The following RETREG1 variants were observed in gnomAD, a reference collection of about 807,000 sequenced individuals.
RETREG1 encodes the protein family with sequence similarity 134 member B.
In RETREG1, 44 loss-of-function variants were observed where a neutral mutation model predicts 54.8. That is an observed-to-expected ratio of 0.80 (90% CI 0.63 to 1.03). The LOEUF (loss-of-function observed/expected upper bound fraction) is 1.03. Among genes scored for constraint, RETREG1 ranks in the 50% least tolerant of loss-of-function variants. RETREG1 has a pLI of 0.00. For missense variants in RETREG1, 554 were observed against 605.1 expected (o/e 0.92, Z 0.89); for synonymous variants, 217 against 238.5 (o/e 0.91, Z 0.83).
intron 3 of RETREG1, among the ~76,000 whole-genome samples, chr5:16,517,173 A>T (rs1740386960): frequency 6.6e-6 from 1 of 152,012 alleles, no homozygotes; most frequent in Admixed American, 6.5e-5. Context: ...TGGAATGAGG[A>T]GGAAGATATA....
At chr5:16,553,736 A>C (rs1741610045) in intron 3 of RETREG1, among the ~76,000 whole-genome samples, 2 of 152,116 alleles carry the variant, frequency 1.3e-5, no homozygotes, top group African/African-American at 4.8e-5. Context: ...TGATTGGATA[A>C]TAGGTTCATG....
intron 3 of RETREG1, among the ~76,000 whole-genome samples, chr5:16,528,694 C>G (rs963575678): frequency 1.3e-5 from 2 of 152,206 alleles, no homozygotes; most frequent in Admixed American, 6.5e-5. Context: ...CACGTGAACA[C>G]TATGCCTCCT....
intron 3 of RETREG1, among the ~76,000 whole-genome samples, chr5:16,527,625 ACACATC>A (rs1380778972): frequency 1.3e-5 from 2 of 152,100 alleles, no homozygotes; most frequent in Non-Finnish European, 2.9e-5. Context: ...AAAGTTTATT[ACACATC>A]TCATAATTCT....
chr5:16,479,012 T>C, intron 5 of RETREG1, 25 bp from the exon 6 acceptor site: 1 of 1,609,238 alleles, frequency 6.2e-7, no homozygotes, highest in Non-Finnish European at 8.5e-7. Context: ...AGAGCAGAGG[T>C]AAAATGCCTT....
intron 3 of RETREG1, among the ~76,000 whole-genome samples, chr5:16,498,934 C>T (rs1053544346): frequency 2.2e-4 from 34 of 152,212 alleles, no homozygotes; most frequent in South Asian, 6.2e-4. Flanking sequence ...AACTTTTTTA[C>T]TTAATAAACT....
At chr5:16,488,203 C>T (rs1030206576) in intron 3 of RETREG1, among the ~76,000 whole-genome samples, 17 of 152,204 alleles carry the variant, frequency 1.1e-4, no homozygotes, top group East Asian at 3.8e-4. Flanking sequence ...CTGGGCAAGA[C>T]GGTGTGAGAG....
chr5:16,514,087 T>C (rs1453142649), intron 3 of RETREG1, among the ~76,000 whole-genome samples: 2 of 152,248 alleles, frequency 1.3e-5, no homozygotes, highest in East Asian at 1.9e-4. Context: ...AAATTATTTA[T>C]ATACTGCTAT....
intron 6 of RETREG1, 130 bp from the exon 7 acceptor site, chr5:16,478,228 T>G: frequency 1.5e-6 from 1 of 651,524 alleles, no homozygotes; most frequent in Non-Finnish European, 2.7e-6. Flanking sequence ...CTCATATTCT[T>G]AACTACAAAT....
intron 3 of RETREG1, among the ~76,000 whole-genome samples, chr5:16,537,245 G>C (rs1741099682): frequency 6.6e-6 from 1 of 152,230 alleles, no homozygotes; most frequent in Non-Finnish European, 1.5e-5. Flanking sequence ...GGAGAAATGA[G>C]GCTTTGAGGG....
At chr5:16,599,681 A>G (rs1239327317) in intron 1 of RETREG1, among the ~76,000 whole-genome samples, 2 of 152,228 alleles carry the variant, frequency 1.3e-5, no homozygotes, top group Non-Finnish European at 2.9e-5. Context: ...TGGAAGCAGC[A>G]TTCAGGTAGG....
rs1742598133 is a variant in RETREG1 at position 16,585,286 on chromosome 5, T to C, written c.321-13184A>G. Among the ~76,000 whole-genome samples the C allele has an allele frequency of 6.6e-6, 1 of 152,274 alleles. No individual in the cohort carries two copies. The highest frequency in any genetic ancestry group is 2.1e-4 in the South Asian group (1 of 4,818). On this transcript the variant is annotated intron_variant, in intron 1 of 8. Coordinates refer to ENST00000306320, the MANE Select transcript of RETREG1 (RefSeq NM_001034850.3). The surrounding 1 kb of genome is among the most constrained non-coding windows in gnomAD (Gnocchi z 4.5). ...CAGTGGGGAGGAGCAGCAGGGAGTT[T>C]GTATTCTGTTTGCGTTCTTGTGCCT...
chr5:16,537,006 C>A (rs1396828750), intron 3 of RETREG1, among the ~76,000 whole-genome samples: 1 of 152,114 alleles, frequency 6.6e-6, no homozygotes, highest in African/African-American at 2.4e-5. Flanking sequence ...TGTCAGCTGA[C>A]TTCCCTTCTC....
At position 16,474,285 on chromosome 5, in the gene RETREG1, GA is replaced by G. The variant is rs140982908; in HGVS notation, c.*455del. On this transcript the variant is annotated 3_prime_UTR_variant, in exon 9 of 9. Coordinates refer to ENST00000306320, the MANE Select transcript of RETREG1 (RefSeq NM_001034850.3). The stretch of plus-strand genomic sequence containing the variant: ...TTTTTTACATCAAAATCTATCCGTT[GA>G]AAAAAAAATTTTCCAGGTATTAGGA... 7 of 154,662 alleles carry G rather than the reference GA, an allele frequency of 4.5e-5. No homozygotes were observed. The highest frequency in any genetic ancestry group is 1.9e-4 in the South Asian group (1 of 5,234). 9.6% of individuals were successfully genotyped at this position (154,662 alleles called of 1,614,324 possible). A position where few individuals can be genotyped will look rare whatever the true frequency, so the allele number is the denominator to read the frequency against.
intron 1 of RETREG1, among the ~76,000 whole-genome samples, chr5:16,599,565 A>G (rs1479017226): frequency 1.3e-5 from 2 of 152,112 alleles, no homozygotes; most frequent in African/African-American, 4.8e-5. Context: ...GTGGATGAAA[A>G]AGCAGAGGGT....
At chr5:16,494,910 A>G (rs1739395974) in intron 3 of RETREG1, among the ~76,000 whole-genome samples, 1 of 152,212 alleles carries the variant, frequency 6.6e-6, no homozygotes, top group Non-Finnish European at 1.5e-5. Context: ...AACATCCTAG[A>G]GACTTGAATG....
chr5:16,482,254 G>T (rs1738805143), intron 4 of RETREG1, among the ~76,000 whole-genome samples: 1 of 151,942 alleles, frequency 6.6e-6, no homozygotes, highest in Non-Finnish European at 1.5e-5. Flanking sequence ...ACTATATCCA[G>T]AATTTAGTTT....
intron 3 of RETREG1, among the ~76,000 whole-genome samples, chr5:16,562,895 G>A (rs114890965): frequency 0.017 from 2,605 of 152,168 alleles, 28 homozygotes; most frequent in Non-Finnish European, 0.026. Context: ...TAAGGAAATC[G>A]GAATAAAGCA....
At chr5:16,521,531 G>T (rs1023323350) in intron 3 of RETREG1, among the ~76,000 whole-genome samples, 1 of 152,150 alleles carries the variant, frequency 6.6e-6, no homozygotes, top group African/African-American at 2.4e-5. Flanking sequence ...AAGAGCTCTG[G>T]CTCAAGTCTC....
intron 3 of RETREG1, 85 bp from the exon 4 acceptor site, chr5:16,483,557 A>T: frequency 6.9e-7 from 1 of 1,450,066 alleles, no homozygotes; most frequent in Non-Finnish European, 9.6e-7. Context: ...TTTATTGAGC[A>T]TCTACTGTTG....
Sources: gnomAD v4.1 joint callset for allele counts (sites outside exome capture counted in the v4.1 genomes callset) on GRCh38, gnomAD v4.1.1 for gene constraint, Gnocchi (gnomAD v3.1) non-coding constraint, MANE v1.5 for transcripts, NCBI Gene and HGNC (gene_info 2026-07-23, HGNC 2026-07-21) for gene names.